Variants in ANO3 observed in about 807,000 individuals in gnomAD.
The protein encoded by ANO3 is anoctamin 3.
In ANO3, 99 loss-of-function variants were observed where a neutral mutation model predicts 144.8. The ratio of observed to expected loss-of-function variants is 0.68; its 90% CI spans 0.58 to 0.81. The LOEUF is 0.81. ANO3 is among the 30% of genes least tolerant of loss of function. ANO3 has a pLI of 0.00. For missense variants in ANO3, 905 were observed against 1,202.2 expected (o/e 0.75, Z 3.66); for synonymous variants, 414 against 392.6 (o/e 1.05, Z -0.64).
At chr11:26,295,546 A>G (rs1200884305) in intron 1 of ANO3, among the ~76,000 whole-genome samples, 1 of 150,976 alleles carries the variant, frequency 6.6e-6, no homozygotes, top group East Asian at 2.0e-4. Context: ...AAAAATTAAT[A>G]GATAGCAGTA....
At chr11:26,337,305 G>A (rs1365737143) in intron 1 of ANO3, among the ~76,000 whole-genome samples, 2 of 152,228 alleles carry the variant, frequency 1.3e-5, no homozygotes, top group African/African-American at 2.4e-5. Context: ...AGTAGTATAT[G>A]TTATGTGATA....
intron 1 of ANO3, among the ~76,000 whole-genome samples, chr11:26,221,895 A>G (rs1852152863): frequency 6.6e-6 from 1 of 152,172 alleles, no homozygotes; most frequent in Admixed American, 6.5e-5. Context: ...TACCTCCCAC[A>G]AGGCCCGCCT....
intron 18 of ANO3, among the ~76,000 whole-genome samples, chr11:26,627,963 G>T (rs1209997934): frequency 1.3e-5 from 2 of 151,822 alleles, no homozygotes; most frequent in Non-Finnish European, 2.9e-5. Flanking sequence ...GCTATTTAAA[G>T]AATTTTTTTA....
At chr11:26,655,422 G>A (rs1313633026) in intron 24 of ANO3, among the ~76,000 whole-genome samples, 4 of 152,154 alleles carry the variant, frequency 2.6e-5, no homozygotes, top group Non-Finnish European at 4.4e-5. Flanking sequence ...CATTCATGTA[G>A]TTCTTGTTTC....
At chr11:26,311,369 G>C (rs908272829) in intron 1 of ANO3, among the ~76,000 whole-genome samples, 1 of 152,136 alleles carries the variant, frequency 6.6e-6, no homozygotes. Flanking sequence ...GCCTGACCGG[G>C]ACTTGAACCC....
chr11:26,442,647 A>T (rs1214757671), intron 2 of ANO3, among the ~76,000 whole-genome samples: 2 of 152,046 alleles, frequency 1.3e-5, no homozygotes, highest in African/African-American at 4.8e-5. Flanking sequence ...ACCCTTAGGC[A>T]CTCTTCTACA....
At chr11:26,268,584 G>A (rs1370229272) in intron 1 of ANO3, among the ~76,000 whole-genome samples, 1 of 152,092 alleles carries the variant, frequency 6.6e-6, no homozygotes, top group Non-Finnish European at 1.5e-5. Context: ...CTTTGCACGT[G>A]TGTATAATAC....
chr11:26,402,680 G>T (rs1410190868), intron 1 of ANO3, among the ~76,000 whole-genome samples: 1 of 151,808 alleles, frequency 6.6e-6, no homozygotes, highest in Non-Finnish European at 1.5e-5. Context: ...GACACATAGA[G>T]GGGAACAATA....
At chr11:26,646,021 G>T (rs1853333215) in intron 23 of ANO3, among the ~76,000 whole-genome samples, 1 of 152,098 alleles carries the variant, frequency 6.6e-6, no homozygotes, top group Admixed American at 6.6e-5. Flanking sequence ...CAACACGAAA[G>T]TGTATAAAGA....
At chr11:26,410,906 C>T (rs1231885988) in intron 1 of ANO3, among the ~76,000 whole-genome samples, 1 of 152,002 alleles carries the variant, frequency 6.6e-6, no homozygotes, top group Non-Finnish European at 1.5e-5. Context: ...TGCCTGTGCG[C>T]TCAAGATATT....
intron 4 of ANO3, among the ~76,000 whole-genome samples, chr11:26,466,709 G>T (rs1859614885): frequency 6.6e-6 from 1 of 151,958 alleles, no homozygotes; most frequent in Non-Finnish European, 1.5e-5. Flanking sequence ...GAGACCAGAA[G>T]AGCTACCCCG....
chr11:26,512,026 G>A lies in ANO3; in HGVS notation c.591+3764G>A, dbSNP rs553202118. Among the ~76,000 whole-genome samples, 7 of 152,226 alleles carry A rather than the reference G, an allele frequency of 4.6e-5. No homozygotes were observed. The South Asian group carries it at 1.5e-3, about 32-fold the overall frequency. On this transcript the variant is annotated intron_variant, in intron 5 of 26. Transcript: ENST00000256737. ...GGAAGTTATTAAATAATTTTAAGCA[G>A]GTTAGTATCATGATCACATTCGTTT... is the stretch of plus-strand genomic sequence containing the variant.
intron 1 of ANO3, among the ~76,000 whole-genome samples, chr11:26,314,474 G>A (rs1296047207): frequency 6.6e-6 from 1 of 152,204 alleles, no homozygotes; most frequent in Non-Finnish European, 1.5e-5. Context: ...ATTGTAAATG[G>A]GGTAATATAC....
At chr11:26,397,891 C>G (rs1166304527) in intron 1 of ANO3, among the ~76,000 whole-genome samples, 1 of 150,050 alleles carries the variant, frequency 6.7e-6, no homozygotes, top group Admixed American at 6.6e-5. Flanking sequence ...TTTGTCCAAT[C>G]TCTTGTGGAG....
At chr11:26,467,749 G>GTGCAGATA (rs1439188438) in intron 4 of ANO3, among the ~76,000 whole-genome samples, 1 of 151,650 alleles carries the variant, frequency 6.6e-6, no homozygotes, top group Non-Finnish European at 1.5e-5. Context: ...AAATATGGGA[G>GTGCAGATA]TGCAGATATT....
At chr11:26,293,037 G>A (rs1194977064) in intron 1 of ANO3, among the ~76,000 whole-genome samples, 1 of 152,018 alleles carries the variant, frequency 6.6e-6, no homozygotes, top group Admixed American at 6.6e-5. Flanking sequence ...GTTCCTATTC[G>A]GCCATCTTCA....
chr11:26,237,534 A>G (rs1462502256), intron 1 of ANO3, among the ~76,000 whole-genome samples: 2 of 151,878 alleles, frequency 1.3e-5, no homozygotes, highest in Non-Finnish European at 2.9e-5. Flanking sequence ...ATCATAACAC[A>G]TAAATCTTAA....
intron 1 of ANO3, among the ~76,000 whole-genome samples, chr11:26,417,589 C>A (rs532981528): frequency 1.3e-5 from 2 of 151,948 alleles, no homozygotes; most frequent in African/African-American, 2.4e-5. Flanking sequence ...AGAGGCACAT[C>A]ATAGGAAGAG....
At chr11:26,626,308 T>G (rs1007068384) in intron 18 of ANO3, among the ~76,000 whole-genome samples, 1 of 152,316 alleles carries the variant, frequency 6.6e-6, no homozygotes, top group South Asian at 2.1e-4. Flanking sequence ...AAGAGATTTC[T>G]TAGAGGAAAA....
Sources: allele counts gnomAD v4.1 joint callset (sites outside exome capture counted in the v4.1 genomes callset), GRCh38; gene constraint gnomAD v4.1.1; transcripts MANE v1.5; gene names NCBI Gene and HGNC (gene_info 2026-07-23, HGNC 2026-07-21).